Variants in KIF20B observed in about 807,000 individuals in gnomAD.
KIF20B encodes kinesin-like protein KIF20B.
A neutral mutation model predicts 232.5 loss-of-function variants in KIF20B; 188 were observed. The observed-to-expected ratio is 0.81, with a 90% confidence interval of 0.72 to 0.91. KIF20B has a LOEUF of 0.91. Among genes scored for constraint, KIF20B ranks in the 40% least tolerant of loss-of-function variants. KIF20B has a pLI of 0.00. For synonymous variants in KIF20B, 712 were observed against 683.0 expected (o/e 1.04, Z -0.66); for missense variants, 2,154 against 2,055.9 (o/e 1.05, Z -0.92).
At chr10:89,772,944 T>G in intron 32 of KIF20B, 113 bp downstream of exon 32, 2 of 866,022 alleles carry the variant, frequency 2.3e-6, no homozygotes, top group Non-Finnish European at 3.4e-6. Flanking sequence ...GCTATAAAGG[T>G]CATGCTTTTA....
chr10:89,754,757 T>C, intron 26 of KIF20B, 84 bp downstream of exon 26: 2 of 1,139,620 alleles, frequency 1.8e-6, no homozygotes, highest in Non-Finnish European at 2.4e-6. Flanking sequence ...AGTTTCTACA[T>C]GGTTTTCTGT....
In KIF20B at chr10:89,724,011, A is replaced by G; in HGVS notation, c.1770A>G (p.Glu590=). Residue 590 remains glutamate, a synonymous_variant, in exon 14 of 33, where the codon GAA becomes GAG. Coordinates refer to ENST00000371728, the MANE Select transcript of KIF20B (RefSeq NM_001284259.2). ...ACTTGAAAAAAAAACTGATAAATGA[A>G]AAAAAGGAAAAATTAACCTTGGAAT... ...IEDLKKKLIN[E]KKEKLTLEFK... The G allele has an allele frequency of 6.3e-7, 1 of 1,588,902 alleles. No homozygotes were observed. The highest frequency in any genetic ancestry group is 8.5e-7 in the Non-Finnish European group (1 of 1,171,282).
In KIF20B at chr10:89,715,085, A is replaced by G. The variant is rs146633387; in HGVS notation, c.843A>G (p.Glu281=). 1,710 of 1,607,688 alleles carry G rather than the reference A, an allele frequency of 1.1e-3. 3 individuals carry two copies. The highest frequency in any genetic ancestry group is 1.7e-3 in the Admixed American group (103 of 59,674). Residue 281 remains glutamate (E), a synonymous_variant, in exon 8 of 33, where the codon GAA becomes GAG. Transcript: ENST00000371728. ...VWVSFFEIYN[E]YIYDLFVPVS... is the part of the protein sequence containing the mutation. The stretch of plus-strand genomic sequence containing the variant: ...TTTCTTTCTTTGAAATTTACAATGA[A>G]TATATTTATGACTTATTTGTTCCTG...
intron 11 of KIF20B, 83 bp downstream of exon 11, chr10:89,717,805 T>C: frequency 1.1e-6 from 1 of 922,056 alleles, no homozygotes; most frequent in South Asian, 2.0e-5. Context: ...GAAAGTTCTT[T>C]TTTGATTTTT....
chr10:89,748,040 G>A (rs1387835653), intron 23 of KIF20B, among the ~76,000 whole-genome samples: 1 of 152,082 alleles, frequency 6.6e-6, no homozygotes, highest in Non-Finnish European at 1.5e-5. Context: ...ACGGAGATTC[G>A]CTCTTGTCAT....
chr10:89,713,524 T>C (rs1461885789), intron 6 of KIF20B, among the ~76,000 whole-genome samples: 1 of 152,144 alleles, frequency 6.6e-6, no homozygotes, highest in Admixed American at 6.6e-5. Flanking sequence ...GTGAGAACAT[T>C]AAAATATTTT....
intron 25 of KIF20B, among the ~76,000 whole-genome samples, chr10:89,753,331 T>A (rs1385408334): frequency 2.6e-5 from 4 of 152,182 alleles, no homozygotes; most frequent in Admixed American, 2.0e-4. Flanking sequence ...CTAAATTTTT[T>A]AAAATTCTGG....
intron 21 of KIF20B, among the ~76,000 whole-genome samples, chr10:89,742,650 C>G (rs973979625): frequency 6.6e-6 from 1 of 150,882 alleles, no homozygotes; most frequent in African/African-American, 2.4e-5. Context: ...TGTAAGAATC[C>G]TCTGAAACCA....
intron 28 of KIF20B, among the ~76,000 whole-genome samples, chr10:89,762,060 C>A (rs1248641593): frequency 6.6e-6 from 1 of 152,080 alleles, no homozygotes; most frequent in African/African-American, 2.4e-5. Flanking sequence ...TGGATTGGAC[C>A]TCTCATGGCA....
At chr10:89,709,071 A>T in intron 2 of KIF20B, 96 bp from the exon 3 acceptor site, 1 of 791,798 alleles carries the variant, frequency 1.3e-6, no homozygotes, top group Non-Finnish European at 2.2e-6. Context: ...TTATCATCTC[A>T]GATTATTATG....
chr10:89,745,499 G>C (rs112830495), intron 22 of KIF20B, among the ~76,000 whole-genome samples: 2 of 152,048 alleles, frequency 1.3e-5, no homozygotes, highest in African/African-American at 4.8e-5. Context: ...CTCCATCCTG[G>C]GTGGCAGAGG....
chr10:89,709,833 CTT>C, intron 4 of KIF20B, 92 bp from the exon 5 acceptor site: 1 of 990,544 alleles, frequency 1.0e-6, no homozygotes, highest in East Asian at 2.9e-5. Context: ...AAGAATGAAT[CTT>C]TTAAATTTTT....
intron 1 of KIF20B, 56 bp from the exon 2 acceptor site, chr10:89,705,238 G>A: frequency 6.7e-7 from 1 of 1,499,830 alleles, no homozygotes; most frequent in South Asian, 1.2e-5. Flanking sequence ...GAAAGTGTGG[G>A]TGGCTTACAT....
In KIF20B at chr10:89,745,969, A is replaced by T; in HGVS notation, c.4096+10A>T. On this transcript the variant is annotated intron_variant, in intron 23 of 32. Coordinates refer to ENST00000371728, the MANE Select transcript of KIF20B (RefSeq NM_001284259.2). ...GAGAGAGCATGCAAAGGTCAGGAAC[A>T]AGTTTGTACTTCTGGAACCAGAAAA... 6.2e-7 allele frequency: 1 copy of T among 1,605,146 alleles called. No homozygotes were observed. The highest frequency in any genetic ancestry group is 8.5e-7 in the Non-Finnish European group (1 of 1,171,886).
chr10:89,740,499 C>A (rs1841774627), intron 21 of KIF20B, among the ~76,000 whole-genome samples: 1 of 152,162 alleles, frequency 6.6e-6, no homozygotes, highest in Admixed American at 6.5e-5. Flanking sequence ...ACCCTCCTCT[C>A]TTCCACAGAG....
chr10:89,710,150 G>A, intron 5 of KIF20B, 85 bp downstream of exon 5: 1 of 1,170,802 alleles, frequency 8.5e-7, no homozygotes, highest in Non-Finnish European at 1.2e-6. Context: ...ATGTAGTTAT[G>A]TTGCTATTAC....
At chr10:89,749,702 G>A (rs1841987222) in intron 23 of KIF20B, among the ~76,000 whole-genome samples, 1 of 152,062 alleles carries the variant, frequency 6.6e-6, no homozygotes, top group Admixed American at 6.6e-5. Context: ...TTAGAATAAT[G>A]TTTCCAAGTT....
In KIF20B at chr10:89,711,125, T is replaced by C. The variant is rs138787627; in HGVS notation, c.655T>C (p.Leu219=). Reference sequence around the variant, plus strand: ...AGAAGAAATTGCTAGCAAAAGTGCATTGCTTCGGCAAATTAAAGAGGTATG... The same window carrying C: ...AGAAGAAATTGCTAGCAAAAGTGCACTGCTTCGGCAAATTAAAGAGGTATG... ...EKEEIASKSA[L]LRQIKEVTVH... Residue 219 remains leucine, a synonymous_variant, in exon 6 of 33, where the codon TTG becomes CTG. Coordinates refer to ENST00000371728, the MANE Select transcript of KIF20B (RefSeq NM_001284259.2). 6.9e-5 allele frequency: 107 copies of C among 1,549,444 alleles called. 1 individual carries two copies. The East Asian group carries it at 2.3e-3, about 33-fold the overall frequency.
At chr10:89,714,385 A>G (rs1842895020) in intron 7 of KIF20B, among the ~76,000 whole-genome samples, 1 of 152,122 alleles carries the variant, frequency 6.6e-6, no homozygotes, top group South Asian at 2.1e-4. Flanking sequence ...AGGCTGAAGC[A>G]GGAGAATCCT....
Sources: gnomAD v4.1 joint callset for allele counts (sites outside exome capture counted in the v4.1 genomes callset) on GRCh38, gnomAD v4.1.1 for gene constraint, MANE v1.5 for transcripts, NCBI Gene and HGNC (gene_info 2026-07-23, HGNC 2026-07-21) for gene names.